KMT2A: variants seen among roughly 807,000 people sequenced by gnomAD.
KMT2A encodes the protein histone-lysine N-methyltransferase 2A.
A neutral mutation model predicts 345.3 loss-of-function variants in KMT2A; 16 were observed. That is an observed-to-expected ratio of 0.05 (90% confidence interval 0.03 to 0.07). The LOEUF is 0.07. Among genes scored for constraint, KMT2A ranks in the 10% least tolerant of loss-of-function variants. The pLI is 1.00. For missense variants in KMT2A, 3,272 were observed against 4,841.6 expected (o/e 0.68, Z 9.62); for synonymous variants, 1,599 against 1,778.6 (o/e 0.90, Z 2.54).
chr11:118,491,148 A>G lies in KMT2A; in HGVS notation c.4697-48A>G. 2 of 1,598,832 alleles carry G rather than the reference A, an allele frequency of 1.3e-6. No homozygotes were observed. The highest frequency in any genetic ancestry group is 1.7e-6 in the Non-Finnish European group (2 of 1,173,214). On this transcript the variant is annotated intron_variant, in intron 13 of 35. Coordinates refer to ENST00000534358, the MANE Select transcript of KMT2A (RefSeq NM_001197104.2). This position sits in a 1 kb window ranked among gnomAD's most constrained non-coding sequence, Gnocchi z 4.2. ...AATGCAAGTCGAGGGCCGTAAAAAC[A>G]CGGGTATGTGAGCCAAAGCACTGCT...
chr11:118,481,639 T>C (rs1950133996), intron 6 of KMT2A, 76 bp from the exon 7 acceptor site: 1 of 1,470,524 alleles, frequency 6.8e-7, no homozygotes, highest in African/African-American at 1.4e-5. Flanking sequence ...CTGGATCATA[T>C]GGTGGCTCTG....
At chr11:118,517,310 G>T (rs552819570) in intron 31 of KMT2A, among the ~76,000 whole-genome samples, 1 of 150,790 alleles carries the variant, frequency 6.6e-6, no homozygotes, top group Non-Finnish European at 1.5e-5. Context: ...GCAGCAGAAT[G>T]GTGTGAACCC....
rs1950935457 is a variant in KMT2A, at chr11:118,520,476, C to T, written c.11430-326C>T. The T allele has an allele frequency of 2.8e-6, 1 of 354,182 alleles. No individual in the cohort carries two copies. The highest frequency in any genetic ancestry group is 4.2e-5 in the Admixed American group (1 of 24,034). The allele number at this position is 354,182 out of a possible 1,614,324, so 21.9% of individuals were successfully genotyped here. ...GACCAGCCTGACCAACATAGTGAAACCCTATCTCTACTAAAAATACAAAAA... is the reference window on the plus strand; with the variant it reads ...GACCAGCCTGACCAACATAGTGAAATCCTATCTCTACTAAAAATACAAAAA... On this transcript the variant is annotated intron_variant, in intron 33 of 35. Coordinates refer to ENST00000534358, the MANE Select transcript of KMT2A (RefSeq NM_001197104.2). The surrounding 1 kb of genome is among the most constrained non-coding windows in gnomAD (Gnocchi z 4.3).
intron 3 of KMT2A, among the ~76,000 whole-genome samples, chr11:118,475,154 TAAAC>T (rs1565281713): frequency 6.6e-6 from 1 of 151,604 alleles, no homozygotes; most frequent in Non-Finnish European, 1.5e-5. Flanking sequence ...AATAAATAAA[TAAAC>T]AAACAGATTA....
In KMT2A at chr11:118,503,660, A is replaced by G; in HGVS notation, c.7768A>G (p.Asn2590Asp). 1.2e-6 allele frequency: 2 copies of G among 1,614,142 alleles called. No homozygotes were observed. The highest frequency in any genetic ancestry group is 1.7e-6 in the Non-Finnish European group (2 of 1,179,998). The change falls in exon 27 of 36, where the codon AAC becomes GAC. Residue 2590 changes from asparagine (N) to aspartate (D), a missense_variant. Asn to Asp is a conservative substitution (Grantham distance 23). Around this residue, in one of 27 missense-constraint regions of KMT2A, gnomAD observed 445 missense variants for 500.9 expected, o/e 0.89. Coordinates refer to ENST00000534358, the MANE Select transcript of KMT2A (RefSeq NM_001197104.2). This position sits in a 1 kb window ranked among gnomAD's most constrained non-coding sequence, Gnocchi z 5.3. ...CTCATGCCAGGATTCTCAAAGTAAC[A>G]ACTATCAGAATCTTCCAGTACAGGA... Reference protein sequence around the residue: ...NTSCQDSQSNNYQNLPVQDRN... With the variant: ...NTSCQDSQSNDYQNLPVQDRN...
chr11:118,501,612 T>G, intron 25 of KMT2A, 60 bp from the exon 26 acceptor site: 1 of 1,419,826 alleles, frequency 7.0e-7, no homozygotes, highest in Admixed American at 2.0e-5. Flanking sequence ...TTTTATTGGT[T>G]AATTTGTTTG....
intron 24 of KMT2A, among the ~76,000 whole-genome samples, chr11:118,500,466 T>C (rs782270743): frequency 2.5e-4 from 38 of 152,250 alleles, no homozygotes; most frequent in Admixed American, 6.5e-4. Context: ...TCTGTATTCC[T>C]ATTCCTATGA....
At chr11:118,459,238 T>C (rs1190521463) in intron 1 of KMT2A, among the ~76,000 whole-genome samples, 1 of 152,054 alleles carries the variant, frequency 6.6e-6, no homozygotes, top group African/African-American at 2.4e-5. Flanking sequence ...CCCACCAAAT[T>C]TTTATTTTTG....
At chr11:118,486,099 GT>G (rs1414105110) in intron 10 of KMT2A, among the ~76,000 whole-genome samples, 1 of 151,972 alleles carries the variant, frequency 6.6e-6, no homozygotes, top group East Asian at 1.9e-4. Flanking sequence ...AAATAAAAGT[GT>G]AGGGCATATA....
Position 118,520,255 on chromosome 11 carries a change from C to A in KMT2A, c.11429+191C>A. 1 of 571,360 alleles carries A rather than the reference C, an allele frequency of 1.8e-6. No homozygotes were observed. The highest frequency in any genetic ancestry group is 2.3e-5 in the South Asian group (1 of 44,064). The allele number at this position is 571,360 out of a possible 1,614,324, so 35.4% of individuals were successfully genotyped here. On this transcript the variant is annotated intron_variant, in intron 33 of 35. Coordinates refer to ENST00000534358, the MANE Select transcript of KMT2A (RefSeq NM_001197104.2). This position sits in a 1 kb window ranked among gnomAD's most constrained non-coding sequence, Gnocchi z 4.3. ...GAATATAAGGTACAGAGGAGAAATT[C>A]AAAGAACTGTAAGATGCCTGTTTTC...
At chr11:118,447,718 A>C (rs1555027578) in intron 1 of KMT2A, 3 of 435,314 alleles carry the variant, frequency 6.9e-6, no homozygotes, top group East Asian at 7.2e-5. Context: ...CCTATGAGGA[A>C]AGGTTGAGAG....
At chr11:118,446,395 G>A (rs1003198389) in intron 1 of KMT2A, among the ~76,000 whole-genome samples, 1 of 152,136 alleles carries the variant, frequency 6.6e-6, no homozygotes, top group East Asian at 1.9e-4. Flanking sequence ...AACATACTCA[G>A]TACACCATCA....
chr11:118,472,504 A>G lies in KMT2A; in HGVS notation c.1345A>G (p.Ser449Gly). Residue 449 changes from serine (S) to glycine (G), a missense_variant, in exon 3 of 36, where the codon AGT becomes GGT. Coordinates refer to ENST00000534358, the MANE Select transcript of KMT2A (RefSeq NM_001197104.2). ...TGCCCGATTAGAGTCTACACCGAAT[A>G]GTAGATTCAGTGCCCCGTCCTGTGG... ...KIARLESTPN[S>G]RFSAPSCGSS... The G allele has an allele frequency of 6.2e-7, 1 of 1,613,506 alleles. No homozygotes were observed. Among genetic ancestry groups the G allele is most frequent in the Non-Finnish European group, 8.5e-7 (1 of 1,179,900 alleles).
At chr11:118,519,527 C>T (rs1950909442) in intron 31 of KMT2A, 91 bp from the exon 32 acceptor site, 21 of 1,158,942 alleles carry the variant, frequency 1.8e-5, no homozygotes, top group Non-Finnish European at 2.5e-6. Flanking sequence ...CAGCCTCTGG[C>T]AGAGTGACTA....
Position 118,507,522 on chromosome 11 carries a change from G to C in KMT2A, c.10755-7G>C, listed in dbSNP as rs1368293316. ...GTCTTGAAAAGATACAAATGCCTGT[G>C]TTCCAGGACTCCAGGAGCAGAGGCT... On this transcript the variant is annotated splice_region_variant and splice_polypyrimidine_tract_variant and intron_variant, in intron 27 of 35. Transcript: ENST00000534358. 6 of 1,613,214 alleles carry C rather than the reference G, an allele frequency of 3.7e-6. No homozygotes were observed. Among genetic ancestry groups the C allele is most frequent in the Non-Finnish European group, 5.1e-6 (6 of 1,179,314 alleles).
At chr11:118,487,153 C>T (rs1950244470) in intron 10 of KMT2A, among the ~76,000 whole-genome samples, 1 of 152,166 alleles carries the variant, frequency 6.6e-6, no homozygotes, top group African/African-American at 2.4e-5. Flanking sequence ...CTACAAGTGC[C>T]AGGGGTCTAC....
chr11:118,514,021 T>C (rs1950751320), intron 31 of KMT2A, among the ~76,000 whole-genome samples: 2 of 150,082 alleles, frequency 1.3e-5, no homozygotes. Flanking sequence ...ATAAGTCACA[T>C]CCCTTTCTTT....
intron 22 of KMT2A, 152 bp from the exon 23 acceptor site, chr11:118,499,151 C>T (rs1555044926): frequency 1.7e-6 from 1 of 598,012 alleles, no homozygotes. Flanking sequence ...AGAGGCACCA[C>T]CTCTTTTGGG....
intron 31 of KMT2A, 174 bp downstream of exon 31, chr11:118,512,199 G>A (rs1481298306): frequency 1.6e-6 from 1 of 610,382 alleles, no homozygotes; most frequent in East Asian, 2.7e-5. Context: ...CAATTCAGTG[G>A]TTTTTAATAT....
Sources: gnomAD v4.1 joint callset for allele counts (sites outside exome capture counted in the v4.1 genomes callset) on GRCh38, gnomAD v4.1.1 for gene constraint, gnomAD v4.1.1 regional missense constraint, Gnocchi (gnomAD v3.1) non-coding constraint, MANE v1.5 for transcripts, NCBI Gene and HGNC (gene_info 2026-07-23, HGNC 2026-07-21) for gene names.